ANKRD36: variants seen among roughly 807,000 people sequenced by gnomAD.
ANKRD36 encodes ankyrin repeat domain-containing protein 36A.
ANKRD36 carries 179 observed loss-of-function variants against 278.1 expected under a neutral mutation model. The ratio of observed to expected loss-of-function variants is 0.64; its 90% CI spans 0.57 to 0.73. The LOEUF (loss-of-function observed/expected upper bound fraction) is 0.73, where lower values mean the gene tolerates loss of function less well. ANKRD36 is among the 30% of genes least tolerant of loss of function. ANKRD36 has a pLI of 0.00. For synonymous variants in ANKRD36, 320 were observed against 641.1 expected (o/e 0.50, Z 7.57); for missense variants, 1,159 against 1,956.7 (o/e 0.59, Z 7.69).
At chr2:97,187,959 G>A (rs542559530) in intron 32 of ANKRD36, among the ~76,000 whole-genome samples, 7 of 151,706 alleles carry the variant, frequency 4.6e-5, no homozygotes, top group African/African-American at 1.2e-4. Flanking sequence ...CACTTCACAC[G>A]CATTTGGAAT....
intron 60 of ANKRD36, among the ~76,000 whole-genome samples, 155 bp downstream of exon 60, chr2:97,213,769 A>T (rs1329456547): frequency 1.3e-5 from 2 of 151,552 alleles, no homozygotes; most frequent in South Asian, 2.1e-4. Context: ...GGTGACGCTG[A>T]TGCTGCTGGT....
At chr2:97,158,782 T>C in intron 17 of ANKRD36, 127 bp downstream of exon 17, 1 of 1,013,198 alleles carries the variant, frequency 9.9e-7, no homozygotes, top group Non-Finnish European at 1.4e-6. Context: ...GAAAATATTT[T>C]TCCCGTGCTT....
At chr2:97,202,535 TG>T in intron 48 of ANKRD36, 142 bp downstream of exon 48, 3 of 1,356,910 alleles carry the variant, frequency 2.2e-6, no homozygotes, top group Non-Finnish European at 3.0e-6. Flanking sequence ...AGTAAGTTCT[TG>T]GGTGATGCTG....
At chr2:97,141,885 A>G (rs148341799) in intron 6 of ANKRD36, among the ~76,000 whole-genome samples, 8,675 of 151,936 alleles carry the variant, frequency 0.057, 117 homozygotes, top group African/African-American at 0.2. Flanking sequence ...GCTTATTAAT[A>G]TCTAATGCTT....
Position 97,194,840 on chromosome 2 carries a change from C to A in ANKRD36, c.2479-5C>A, listed in dbSNP as rs772393223. On this transcript the variant is annotated splice_polypyrimidine_tract_variant and splice_region_variant and intron_variant, in intron 39 of 75. Transcript: ENST00000420699. ...ATTTATTATTTTGTTTCAAATTCCA[C>A]TCAGGCTACAAGTGATGAGAAGGAT... 1 of 1,593,812 alleles carries A rather than the reference C, an allele frequency of 6.3e-7. No individual in the cohort carries two copies. Among genetic ancestry groups the A allele is most frequent in the East Asian group, 2.3e-5 (1 of 43,812 alleles).
At chr2:97,196,831 G>C (rs1398476159) in intron 42 of ANKRD36, 43 bp downstream of exon 42, 13 of 1,541,972 alleles carry the variant, frequency 8.4e-6, no homozygotes, top group South Asian at 1.2e-5. Context: ...AGTCCAGATA[G>C]ATAAGAAGTT....
chr2:97,227,804 C>T (rs1443206592), intron 67 of ANKRD36, among the ~76,000 whole-genome samples: 2 of 152,088 alleles, frequency 1.3e-5, no homozygotes, highest in Non-Finnish European at 2.9e-5. Context: ...TTTTGAAATA[C>T]GTCCCATCAA....
intron 10 of ANKRD36, 46 bp downstream of exon 10, chr2:97,144,758 G>T: frequency 6.5e-7 from 1 of 1,535,214 alleles, no homozygotes; most frequent in Non-Finnish European, 8.7e-7. Context: ...TCAAGATAGA[G>T]AACTTCCCTT....
intron 4 of ANKRD36, among the ~76,000 whole-genome samples, chr2:97,123,697 A>G (rs2037607185): frequency 7.1e-6 from 1 of 139,926 alleles, no homozygotes; most frequent in African/African-American, 2.5e-5. Flanking sequence ...ATGGCTGAGC[A>G]TATAAGTATG....
At chr2:97,178,488 C>T (rs958862104) in intron 22 of ANKRD36, among the ~76,000 whole-genome samples, 2 of 151,698 alleles carry the variant, frequency 1.3e-5, no homozygotes, top group Non-Finnish European at 2.9e-5. Context: ...CCATGGAATA[C>T]TATGCAGCCA....
In ANKRD36 at chr2:97,187,222, T is replaced by C. The variant is rs773469533; in HGVS notation, c.2066T>C (p.Leu689Ser). Residue 689 changes from leucine (L) to serine (S), a missense_variant, in exon 31 of 76, where the codon TTG (leucine) becomes TCG (serine). Coordinates refer to ENST00000420699, the MANE Select transcript of ANKRD36 (RefSeq NM_001354587.1). ...GTVSSQKQPA[L>S]KATTDEEDSV... ...GTGTCTTCTCAGAAACAACCAGCCTTGAAGGTAATTAAACTCTCATTTATA... is the reference window on the plus strand; with the variant it reads ...GTGTCTTCTCAGAAACAACCAGCCTCGAAGGTAATTAAACTCTCATTTATA... 1.9e-6 allele frequency: 3 copies of C among 1,609,830 alleles called. No homozygotes were observed. The South Asian group carries it at 3.3e-5, about 18-fold the overall frequency.
intron 4 of ANKRD36, 144 bp downstream of exon 4, chr2:97,123,137 C>T (rs1201714911): frequency 4.5e-6 from 3 of 673,662 alleles, no homozygotes; most frequent in African/African-American, 3.7e-5. Flanking sequence ...CACAGATCAT[C>T]ACTTAGGTAG....
rs1046202431 is a variant in ANKRD36, at chr2:97,137,580, C to CAT, written c.800-5048_800-5047dup. Among the ~76,000 whole-genome samples the CAT allele has an allele frequency of 3.4e-3, 344 of 101,846 alleles. 4 individuals are homozygous for CAT. Among genetic ancestry groups the CAT allele is most frequent in the African/African-American group, 8.7e-3 (325 of 37,376 alleles). 66.8% of individuals were successfully genotyped at this position (101,846 alleles called of 152,430 possible). ...GAGATTACAGGAACAAGCCACTGTA[C>CAT]ATATATATATATACACACACACACA... On this transcript the variant is annotated intron_variant, in intron 6 of 75. Transcript: ENST00000420699.
intron 42 of ANKRD36, among the ~76,000 whole-genome samples, chr2:97,197,474 G>A (rs1248944728): frequency 6.6e-6 from 1 of 151,928 alleles, no homozygotes; most frequent in Non-Finnish European, 1.5e-5. Flanking sequence ...AGAGATATAT[G>A]TTTTGTTGAT....
In ANKRD36 at chr2:97,202,400, T is replaced by A; in HGVS notation, c.2959+7T>A. ...GGAGAAAAATCTAGGACAGGTAATT[T>A]TGAAAACAGATTTAATGTCATGTTC... On this transcript the variant is annotated splice_region_variant and intron_variant, in intron 48 of 75. Transcript: ENST00000420699. 2 of 1,547,358 alleles carry A rather than the reference T, an allele frequency of 1.3e-6. No individual in the cohort carries two copies. Among genetic ancestry groups the A allele is most frequent in the East Asian group, 2.4e-5 (1 of 41,020 alleles).
At chr2:97,188,616 G>A (rs542867144) in intron 32 of ANKRD36, among the ~76,000 whole-genome samples, 2 of 89,692 alleles carry the variant, frequency 2.2e-5, no homozygotes, top group African/African-American at 5.2e-5. Flanking sequence ...CAACTGAATT[G>A]TCGTGGTAAC....
intron 20 of ANKRD36, among the ~76,000 whole-genome samples, chr2:97,165,540 G>T (rs2050390740): frequency 6.6e-6 from 1 of 151,776 alleles, no homozygotes; most frequent in Non-Finnish European, 1.5e-5. Flanking sequence ...TCCAGTGTAT[G>T]CTTTTCAGAG....
chr2:97,183,408 G>A, intron 26 of ANKRD36, 51 bp from the exon 27 acceptor site: 1 of 1,509,708 alleles, frequency 6.6e-7, no homozygotes, highest in Non-Finnish European at 8.9e-7. Flanking sequence ...ATGTATGGAT[G>A]ACTTTGTCAT....
intron 24 of ANKRD36, among the ~76,000 whole-genome samples, chr2:97,180,895 G>A (rs1339140995): frequency 6.6e-6 from 1 of 151,644 alleles, no homozygotes; most frequent in Non-Finnish European, 1.5e-5. Flanking sequence ...CTTTGTAGAA[G>A]TATGTTAACA....
Sources: allele counts gnomAD v4.1 joint callset (sites outside exome capture counted in the v4.1 genomes callset), GRCh38; gene constraint gnomAD v4.1.1; transcripts MANE v1.5; gene names NCBI Gene and HGNC (gene_info 2026-07-23, HGNC 2026-07-21).